SLC44A1: variants seen among roughly 807,000 people sequenced by gnomAD.
The protein encoded by SLC44A1 is choline transporter-like protein 1.
In SLC44A1, 26 loss-of-function variants were observed where a neutral mutation model predicts 79.3. That is an observed-to-expected ratio of 0.33 (90% CI 0.24 to 0.46). The LOEUF is 0.46. SLC44A1 is among the 20% of genes least tolerant of loss of function. The pLI is 1.00. For missense variants in SLC44A1, 688 were observed against 798.1 expected, an observed-to-expected ratio of 0.86 and a Z score of 1.66; for synonymous variants, 263 against 286.2, an observed-to-expected ratio of 0.92 and a Z score of 0.82.
At chr9:105,375,378 G>A (rs746062242) in intron 13 of SLC44A1, among the ~76,000 whole-genome samples, 6 of 152,180 alleles carry the variant, frequency 3.9e-5, no homozygotes, top group Non-Finnish European at 7.3e-5. Context: ...TTAGGAAATA[G>A]TCTTCCTCCA....
chr9:105,277,756 C>A (rs1410245678), intron 1 of SLC44A1, among the ~76,000 whole-genome samples: 1 of 152,106 alleles, frequency 6.6e-6, no homozygotes, highest in Non-Finnish European at 1.5e-5. Context: ...TCCCATGTAA[C>A]CAAGTAGTGC....
chr9:105,293,933 C>A (rs1830660642), intron 1 of SLC44A1, among the ~76,000 whole-genome samples: 4 of 152,002 alleles, frequency 2.6e-5, no homozygotes, highest in South Asian at 2.1e-4. Context: ...TAAGAGATAC[C>A]ATGGAAGCTA....
At chr9:105,366,938 C>CTT (rs35710961) in intron 12 of SLC44A1, among the ~76,000 whole-genome samples, 3 of 145,600 alleles carry the variant, frequency 2.1e-5, no homozygotes, top group African/African-American at 5.0e-5. Flanking sequence ...TATGCTGATA[C>CTT]TTTTTTTTTT....
chr9:105,423,282 G>A (rs1429797242), intron 15 of SLC44A1, among the ~76,000 whole-genome samples: 3 of 152,078 alleles, frequency 2.0e-5, no homozygotes, highest in African/African-American at 7.2e-5. Flanking sequence ...TGACCAACAT[G>A]GTGAAACCCT....
chr9:105,345,694 T>C (rs992839734), intron 4 of SLC44A1, among the ~76,000 whole-genome samples: 2 of 152,164 alleles, frequency 1.3e-5, no homozygotes, highest in Admixed American at 6.6e-5. Context: ...TTGACTATTA[T>C]ACAGCATTTG....
intron 1 of SLC44A1, among the ~76,000 whole-genome samples, chr9:105,295,520 G>A (rs2131280533): frequency 6.6e-6 from 1 of 152,316 alleles, no homozygotes; most frequent in South Asian, 2.1e-4. Context: ...GGTTAAATCT[G>A]TTAAAGAATT....
chr9:105,323,933 G>A (rs997771724), intron 3 of SLC44A1, among the ~76,000 whole-genome samples: 9 of 151,920 alleles, frequency 5.9e-5, no homozygotes, highest in Non-Finnish European at 1.0e-4. Context: ...GTCCTTTTTT[G>A]CCCACTGCAG....
intron 12 of SLC44A1, among the ~76,000 whole-genome samples, chr9:105,373,898 C>A (rs1828194249): frequency 6.6e-6 from 1 of 152,152 alleles, no homozygotes; most frequent in South Asian, 2.1e-4. Flanking sequence ...GGTTTATTCA[C>A]CAATTCTGAA....
At chr9:105,294,384 GT>G (rs1293396653) in intron 1 of SLC44A1, among the ~76,000 whole-genome samples, 1 of 151,618 alleles carries the variant, frequency 6.6e-6, no homozygotes, top group Non-Finnish European at 1.5e-5. Context: ...TCTGTCACGT[GT>G]TTTGGTTTGA....
At chr9:105,311,051 C>T (rs1277677476) in intron 3 of SLC44A1, among the ~76,000 whole-genome samples, 1 of 152,120 alleles carries the variant, frequency 6.6e-6, no homozygotes, top group African/African-American at 2.4e-5. Context: ...TTGATATGCA[C>T]CTGTATCCAT....
chr9:105,283,668 C>G (rs1390386368), intron 1 of SLC44A1, among the ~76,000 whole-genome samples: 2 of 152,178 alleles, frequency 1.3e-5, no homozygotes, highest in Non-Finnish European at 2.9e-5. Flanking sequence ...AGAACTATTA[C>G]ATTTATTCTT....
At chr9:105,355,809 A>C (rs1166452700) in intron 5 of SLC44A1, 1 of 158,688 alleles carries the variant, frequency 6.3e-6, no homozygotes, top group Non-Finnish European at 1.4e-5. Flanking sequence ...TTATGGCAAA[A>C]ATTCATTTTC....
intron 3 of SLC44A1, among the ~76,000 whole-genome samples, chr9:105,332,096 C>T (rs1011193569): frequency 4.1e-5 from 6 of 147,766 alleles, no homozygotes; most frequent in Non-Finnish European, 7.5e-5. Context: ...AGCTTAATAT[C>T]TTTTCTTTTC....
intron 3 of SLC44A1, among the ~76,000 whole-genome samples, chr9:105,311,659 G>A (rs909254216): frequency 6.6e-6 from 1 of 152,100 alleles, no homozygotes; most frequent in Non-Finnish European, 1.5e-5. Context: ...TCATACAGAG[G>A]GAAAATAGTT....
chr9:105,299,983 A>G (rs1341970835), intron 2 of SLC44A1: 2 of 978,968 alleles, frequency 2.0e-6, no homozygotes, highest in South Asian at 4.7e-5. Flanking sequence ...TCTGCCCTAC[A>G]GGAGTTTCTG....
intron 4 of SLC44A1, among the ~76,000 whole-genome samples, chr9:105,342,347 C>A (rs1415457041): frequency 3.3e-5 from 5 of 152,156 alleles, no homozygotes; most frequent in Non-Finnish European, 5.9e-5. Flanking sequence ...TGCTACCCAC[C>A]AGTTAGTCTC....
intron 3 of SLC44A1, among the ~76,000 whole-genome samples, chr9:105,320,988 T>C (rs1826376612): frequency 6.6e-6 from 1 of 152,226 alleles, no homozygotes; most frequent in African/African-American, 2.4e-5. Context: ...AGGTAAGTGT[T>C]TTGCAATTAT....
intron 1 of SLC44A1, among the ~76,000 whole-genome samples, chr9:105,261,588 A>G (rs182756): frequency 0.16 from 23,654 of 152,042 alleles, 2,627 homozygotes; most frequent in African/African-American, 0.31. Context: ...GAGAATCCCA[A>G]GCTGGCTGCA....
chr9:105,251,235 T>C (rs1272564467), intron 1 of SLC44A1, among the ~76,000 whole-genome samples: 1 of 152,156 alleles, frequency 6.6e-6, no homozygotes, highest in Non-Finnish European at 1.5e-5. Context: ...TTATCTCTGG[T>C]TCACCGAATG....
Sources: allele counts gnomAD v4.1 joint callset (sites outside exome capture counted in the v4.1 genomes callset), GRCh38; gene constraint gnomAD v4.1.1; transcripts MANE v1.5; gene names NCBI Gene and HGNC (gene_info 2026-07-23, HGNC 2026-07-21).